Variants in FAM178B observed in about 807,000 individuals in gnomAD.
FAM178B encodes family with sequence similarity 178 member B.
Under a neutral mutation model 91.7 loss-of-function variants are expected in FAM178B, and 82 were observed. That is an observed-to-expected ratio of 0.89 (90% CI 0.75 to 1.07). The LOEUF (loss-of-function observed/expected upper bound fraction) is 1.07, where lower values mean the gene tolerates loss of function less well. Ranked by LOEUF, FAM178B falls within the 50% of genes least tolerant of loss-of-function variation. The pLI is 0.00. For missense variants in FAM178B, 769 were observed against 846.7 expected, an observed-to-expected ratio of 0.91 and a Z score of 1.14; for synonymous variants, 368 against 359.4, an observed-to-expected ratio of 1.02 and a Z score of -0.27.
intron 6 of FAM178B, among the ~76,000 whole-genome samples, chr2:96,956,517 T>C (rs1396113029): frequency 2.0e-5 from 3 of 152,228 alleles, no homozygotes; most frequent in South Asian, 2.1e-4. Context: ...GCCTACTTTG[T>C]TCAGAGGGAA....
At chr2:96,920,706 A>C (rs950483419) in intron 12 of FAM178B, among the ~76,000 whole-genome samples, 2 of 152,230 alleles carry the variant, frequency 1.3e-5, no homozygotes, top group Admixed American at 6.5e-5. Flanking sequence ...GTTCTGGTAG[A>C]GGTAACTTCG....
chr2:96,911,419 T>A lies in FAM178B; in HGVS notation c.1563-8712A>T, dbSNP rs149244120. On this transcript the variant is annotated intron_variant, in intron 12 of 16. Coordinates refer to ENST00000490605, the MANE Select transcript of FAM178B (RefSeq NM_001122646.3). ...GGCAAATGATCATCTTGAGTTGGGG[T>A]GGCTGCCAAGTTCTAGGACGCGGCA... Among the ~76,000 whole-genome samples the A allele has an allele frequency of 8.4e-3, 1,273 of 152,188 alleles. 5 individuals carry two copies. The highest frequency in any genetic ancestry group is 0.013 in the Non-Finnish European group (912 of 67,994).
At position 96,943,969 on chromosome 2, in the gene FAM178B, G is replaced by A. The variant is rs375191432; in HGVS notation, c.1078+3849C>T. Reference sequence around the variant, plus strand: ...ATAAACATCTATATCCCAGCTGGGCGCGGTGGCTCACACCTCTAATCCCAG... The same window carrying A: ...ATAAACATCTATATCCCAGCTGGGCACGGTGGCTCACACCTCTAATCCCAG... On this transcript the variant is annotated intron_variant, in intron 8 of 16. Coordinates refer to ENST00000490605, the MANE Select transcript of FAM178B (RefSeq NM_001122646.3). Among the ~76,000 whole-genome samples, 187 of 152,188 alleles carry A rather than the reference G, an allele frequency of 1.2e-3. 1 individual carries two copies. The highest frequency in any genetic ancestry group is 3.3e-3 in the African/African-American group (136 of 41,508).
rs541859889 is a variant in FAM178B at position 96,939,428 on chromosome 2, G to A, written c.1078+8390C>T. 7.3e-5 allele frequency among the ~76,000 whole-genome samples: 11 copies of A among 151,482 alleles called. No individual in the cohort carries two copies. The East Asian group carries it at 1.8e-3, about 24-fold the overall frequency. On this transcript the variant is annotated intron_variant, in intron 8 of 16. Transcript: ENST00000490605. The stretch of plus-strand genomic sequence containing the variant: ...GGAGAATGGCGTGAACCTGGGAGGC[G>A]GAGCTTGTAGTGAGCCGAGATCGCG...
intron 4 of FAM178B, among the ~76,000 whole-genome samples, chr2:96,967,911 C>CTTTTTTCTTTTTTT (rs2082165917): frequency 1.6e-5 from 1 of 62,418 alleles, no homozygotes; most frequent in African/African-American, 6.0e-5. Context: ...CCTGTTTGGT[C>CTTTTTTCTTTTTTT]TTTTTTTTTT....
At chr2:96,895,090 C>A (rs751860222) in intron 13 of FAM178B, 2 of 1,289,514 alleles carry the variant, frequency 1.6e-6, no homozygotes, top group East Asian at 1.1e-4. Flanking sequence ...ATCTTCATTC[C>A]GCCTGGCCTG....
At chr2:96,903,399 G>C (rs1559062362) in intron 12 of FAM178B, among the ~76,000 whole-genome samples, 4 of 152,212 alleles carry the variant, frequency 2.6e-5, no homozygotes, top group Admixed American at 2.0e-4. Context: ...TCTGCAGGGT[G>C]GGGGAGGCTG....
At chr2:96,954,696 T>C (rs573863473) in intron 6 of FAM178B, among the ~76,000 whole-genome samples, 16 of 152,352 alleles carry the variant, frequency 1.1e-4, no homozygotes, top group African/African-American at 2.6e-4. Context: ...CTAAATACAA[T>C]AGAAACCAAT....
At chr2:96,915,247 T>G (rs2081222764) in intron 12 of FAM178B, among the ~76,000 whole-genome samples, 1 of 151,780 alleles carries the variant, frequency 6.6e-6, no homozygotes, top group African/African-American at 2.4e-5. Context: ...ATAGCTGGGA[T>G]TACAGGTGCA....
chr2:96,960,521 T>C (rs755832648), intron 5 of FAM178B, 81 bp from the exon 6 acceptor site: 72 of 1,431,920 alleles, frequency 5.0e-5, no homozygotes, highest in Non-Finnish European at 5.9e-5. Flanking sequence ...CAGGGAAGGA[T>C]AGAGGGGGGC....
intron 14 of FAM178B, among the ~76,000 whole-genome samples, chr2:96,891,223 C>G (rs2080671076): frequency 6.6e-6 from 1 of 152,218 alleles, no homozygotes. Flanking sequence ...GGTGCTTTCC[C>G]AGGCAGGACC....
At chr2:96,942,455 C>T (rs1171606659) in intron 8 of FAM178B, among the ~76,000 whole-genome samples, 2 of 152,136 alleles carry the variant, frequency 1.3e-5, no homozygotes, top group Non-Finnish European at 2.9e-5. Context: ...TGCAGTGGTG[C>T]GATCTCGGCT....
chr2:96,978,120 C>T (rs1223103663), intron 1 of FAM178B, among the ~76,000 whole-genome samples: 1 of 152,168 alleles, frequency 6.6e-6, no homozygotes, highest in Non-Finnish European at 1.5e-5. Context: ...CCTTAGTGCA[C>T]GGAAGTCGTC....
At chr2:96,878,114 G>C (rs1359343688) in intron 15 of FAM178B, 72 bp from the exon 16 acceptor site, 2 of 1,533,774 alleles carry the variant, frequency 1.3e-6, no homozygotes, top group South Asian at 2.3e-5. Context: ...GGCAGGAGGA[G>C]AACAAATTCA....
At chr2:96,888,142 G>C (rs1029094970) in intron 14 of FAM178B, among the ~76,000 whole-genome samples, 3 of 152,268 alleles carry the variant, frequency 2.0e-5, no homozygotes, top group African/African-American at 7.2e-5. Flanking sequence ...CTCCTGGAGG[G>C]TCAGCTTCCC....
intron 8 of FAM178B, among the ~76,000 whole-genome samples, chr2:96,943,047 A>G (rs920335768): frequency 6.6e-6 from 1 of 152,220 alleles, no homozygotes; most frequent in African/African-American, 2.4e-5. Flanking sequence ...TAAAACTCTT[A>G]GAAGAAACCA....
chr2:96,964,800 C>T (rs1280895940), intron 5 of FAM178B, among the ~76,000 whole-genome samples: 7 of 152,276 alleles, frequency 4.6e-5, no homozygotes, highest in East Asian at 1.9e-4. Flanking sequence ...CTGTGCAGGG[C>T]ACTGTGACCT....
intron 8 of FAM178B, among the ~76,000 whole-genome samples, chr2:96,939,606 G>A (rs982603476): frequency 2.0e-5 from 3 of 152,188 alleles, no homozygotes; most frequent in Non-Finnish European, 4.4e-5. Flanking sequence ...CACATGCAAA[G>A]GCCCTGTGGC....
At chr2:96,961,938 A>C (rs1197141617) in intron 5 of FAM178B, among the ~76,000 whole-genome samples, 1 of 152,154 alleles carries the variant, frequency 6.6e-6, no homozygotes, top group Non-Finnish European at 1.5e-5. Context: ...ACGGTAAAAC[A>C]ATTTCCTGTT....
Sources: allele counts gnomAD v4.1 joint callset (sites outside exome capture counted in the v4.1 genomes callset), GRCh38; gene constraint gnomAD v4.1.1; transcripts MANE v1.5; gene names NCBI Gene and HGNC (gene_info 2026-07-23, HGNC 2026-07-21).